RASGRP3: variants seen among roughly 807,000 people sequenced by gnomAD.
RASGRP3 encodes the protein ras guanyl-releasing protein 3.
In RASGRP3, 54 loss-of-function variants were observed where a neutral mutation model predicts 82.7. The observed-to-expected ratio is 0.65, with a 90% CI of 0.52 to 0.82. The LOEUF (loss-of-function observed/expected upper bound fraction) is 0.82. RASGRP3 is among the 40% of genes least tolerant of loss of function. RASGRP3 has a pLI of 0.00. For synonymous variants in RASGRP3, 309 were observed against 300.5 expected (o/e 1.03, Z -0.29); for missense variants, 861 against 828.9 (o/e 1.04, Z -0.48).
At chr2:33,501,965 A>C (rs1410026207) in intron 1 of RASGRP3, among the ~76,000 whole-genome samples, 1 of 152,212 alleles carries the variant, frequency 6.6e-6, no homozygotes, top group Non-Finnish European at 1.5e-5. Flanking sequence ...GACTTTTGCC[A>C]GAGTAGTTTG....
At chr2:33,483,259 G>A (rs1034705842) in intron 1 of RASGRP3, among the ~76,000 whole-genome samples, 5 of 152,036 alleles carry the variant, frequency 3.3e-5, no homozygotes, top group South Asian at 4.2e-4. Flanking sequence ...GTCAAATGCT[G>A]CCTTATCTTT....
intron 11 of RASGRP3, among the ~76,000 whole-genome samples, chr2:33,536,322 G>GA (rs35520392): frequency 0.21 from 26,742 of 127,494 alleles, 3,280 homozygotes; most frequent in East Asian, 0.43. Context: ...ATTTAAAAAA[G>GA]AAAAAAAAAA....
chr2:33,478,698 T>C (rs1667602345), intron 1 of RASGRP3, among the ~76,000 whole-genome samples: 1 of 152,228 alleles, frequency 6.6e-6, no homozygotes, highest in Non-Finnish European at 1.5e-5. Flanking sequence ...ATAGGAATGA[T>C]AGAATGTGCG....
At chr2:33,527,114 T>G (rs779277382) in intron 9 of RASGRP3, 23 bp from the exon 10 acceptor site, 39 of 1,611,502 alleles carry the variant, frequency 2.4e-5, no homozygotes, top group Non-Finnish European at 3.1e-5. Context: ...GTTTGAAAAT[T>G]CTACTTTTCC....
chr2:33,500,127 A>T (rs1177773278), intron 1 of RASGRP3, among the ~76,000 whole-genome samples: 1 of 152,180 alleles, frequency 6.6e-6, no homozygotes, highest in Non-Finnish European at 1.5e-5. Flanking sequence ...AATGTGTGCA[A>T]AGCATGGGGT....
chr2:33,516,156 T>C (rs1442915027), intron 3 of RASGRP3, among the ~76,000 whole-genome samples: 1 of 152,156 alleles, frequency 6.6e-6, no homozygotes, highest in African/African-American at 2.4e-5. Flanking sequence ...ACGCCTGTAA[T>C]CCCAGCACTT....
At chr2:33,443,771 T>C (rs1665357841) in intron 1 of RASGRP3, among the ~76,000 whole-genome samples, 1 of 149,498 alleles carries the variant, frequency 6.7e-6, no homozygotes, top group South Asian at 2.1e-4. Flanking sequence ...GTCCTAGATA[T>C]TCAGGAGGCT....
chr2:33,560,319 T>C (rs984374336), intron 17 of RASGRP3, among the ~76,000 whole-genome samples: 8 of 152,160 alleles, frequency 5.3e-5, no homozygotes, highest in African/African-American at 1.4e-4. Flanking sequence ...CCACTGATCA[T>C]CTTGACAACT....
intron 13 of RASGRP3, among the ~76,000 whole-genome samples, chr2:33,546,712 A>G (rs369171502): frequency 6.6e-6 from 1 of 152,184 alleles, no homozygotes; most frequent in African/African-American, 2.4e-5. Context: ...ATGCCCATCA[A>G]TAACAGATTG....
intron 1 of RASGRP3, among the ~76,000 whole-genome samples, chr2:33,509,796 C>T (rs1670758086): frequency 6.6e-6 from 1 of 152,206 alleles, no homozygotes; most frequent in Admixed American, 6.5e-5. Context: ...CTTCTACCAG[C>T]CACTCTAGTA....
At chr2:33,519,194 A>G (rs1478168033) in intron 4 of RASGRP3, among the ~76,000 whole-genome samples, 1 of 152,162 alleles carries the variant, frequency 6.6e-6, no homozygotes, top group African/African-American at 2.4e-5. Flanking sequence ...GGCAATAGGA[A>G]TTTTTCAATC....
intron 2 of RASGRP3, among the ~76,000 whole-genome samples, chr2:33,471,597 T>C (rs1242317447): frequency 6.6e-6 from 1 of 152,142 alleles, no homozygotes; most frequent in Non-Finnish European, 1.5e-5. Context: ...TAGCTTTCTG[T>C]TACTTTTGTC....
At chr2:33,451,430 G>A (rs1386592582) in intron 2 of RASGRP3, among the ~76,000 whole-genome samples, 1 of 152,112 alleles carries the variant, frequency 6.6e-6, no homozygotes, top group Non-Finnish European at 1.5e-5. Context: ...TCAACTCTCT[G>A]TGTTTACTTT....
chr2:33,506,536 T>G (rs1670396190), intron 1 of RASGRP3, among the ~76,000 whole-genome samples: 1 of 152,230 alleles, frequency 6.6e-6, no homozygotes, highest in Non-Finnish European at 1.5e-5. Flanking sequence ...CAAATGGTAT[T>G]TTTAGATGCT....
intron 2 of RASGRP3, among the ~76,000 whole-genome samples, chr2:33,466,864 T>A (rs1666725665): frequency 6.6e-6 from 1 of 152,076 alleles, no homozygotes; most frequent in Admixed American, 6.6e-5. Flanking sequence ...GCTAAGTCAT[T>A]CTGGGGAGGT....
At chr2:33,542,267 T>C (rs1282943005) in intron 12 of RASGRP3, among the ~76,000 whole-genome samples, 1 of 147,186 alleles carries the variant, frequency 6.8e-6, no homozygotes, top group African/African-American at 2.4e-5. Context: ...TTCCTATACA[T>C]ACATGGGTTT....
At chr2:33,547,208 G>A (rs1424052701) in intron 13 of RASGRP3, among the ~76,000 whole-genome samples, 1 of 152,012 alleles carries the variant, frequency 6.6e-6, no homozygotes, top group Non-Finnish European at 1.5e-5. Context: ...TAAATGATGA[G>A]AACTCAAGAA....
At position 33,548,698 on chromosome 2, in the gene RASGRP3, A is replaced by AATTATTATT. The variant is rs374165976; in HGVS notation, c.1395-893_1395-885dup. On this transcript the variant is annotated intron_variant, in intron 13 of 17. Coordinates refer to ENST00000403687, the MANE Select transcript of RASGRP3 (RefSeq NM_001139488.2). ...GAGCTCACCTGTGTCAAGTGGATCC[A>AATTATTATT]ATTATTATTATTATTATTATTTTTT... 8.6e-4 allele frequency among the ~76,000 whole-genome samples: 130 copies of AATTATTATT among 151,588 alleles called. 1 individual carries two copies. The highest frequency in any genetic ancestry group is 3.3e-3 in the South Asian group (16 of 4,790).
At chr2:33,559,638 A>G (rs374428917) in intron 17 of RASGRP3, 66 of 518,662 alleles carry the variant, frequency 1.3e-4, no homozygotes, top group African/African-American at 1.2e-3. Context: ...AGATGGAGTT[A>G]GATAAATTTA....
Sources: gnomAD v4.1 joint callset for allele counts (sites outside exome capture counted in the v4.1 genomes callset) on GRCh38, gnomAD v4.1.1 for gene constraint, MANE v1.5 for transcripts, NCBI Gene and HGNC (gene_info 2026-07-23, HGNC 2026-07-21) for gene names.